The following GREB1 variants were observed in gnomAD, a reference collection of about 807,000 sequenced individuals.
The protein encoded by GREB1 is protein GREB1.
In GREB1, 106 loss-of-function variants were observed where a neutral mutation model predicts 200.7. The observed-to-expected ratio is 0.53, with a 90% CI of 0.45 to 0.62. GREB1 has a LOEUF of 0.62. Ranked by LOEUF, GREB1 falls within the 20% of genes least tolerant of loss-of-function variation. GREB1 has a pLI of 0.00. For synonymous variants in GREB1, 1,132 were observed against 1,092.4 expected (o/e 1.04, Z -0.72); for missense variants, 2,243 against 2,556.8 (o/e 0.88, Z 2.65).
At chr2:11,540,940 CT>C (rs1311270453) in intron 1 of GREB1, among the ~76,000 whole-genome samples, 2 of 152,206 alleles carry the variant, frequency 1.3e-5, no homozygotes, top group Non-Finnish European at 2.9e-5. Flanking sequence ...TTTTTCAAGT[CT>C]TGTTTTCTCA....
intron 17 of GREB1, among the ~76,000 whole-genome samples, chr2:11,606,606 A>G (rs1682315231): frequency 6.6e-6 from 1 of 152,004 alleles, no homozygotes; most frequent in African/African-American, 2.4e-5. Context: ...TAGTGTTACT[A>G]TAGATTATAA....
intron 23 of GREB1, among the ~76,000 whole-genome samples, chr2:11,624,755 A>T (rs1684297239): frequency 6.6e-6 from 1 of 152,238 alleles, no homozygotes. Context: ...GGCCCAGGAC[A>T]GCTTTGAATG....
chr2:11,592,143 T>G lies in GREB1; in HGVS notation c.1346-633T>G, dbSNP rs951909937. 17 of 972,972 alleles carry G rather than the reference T, an allele frequency of 1.7e-5. No homozygotes were observed. In the African/African-American group the frequency reaches 2.8e-4, roughly 16 times the overall value. The allele number at this position is 972,972 out of a possible 1,614,324, so 60.3% of individuals were successfully genotyped here. A position where few individuals can be genotyped will look rare whatever the true frequency, so the allele number is the denominator to read the frequency against. On this transcript the variant is annotated intron_variant, in intron 10 of 32. Transcript: ENST00000381486. ...ACTTTCTGAATTCTGTTTAAAGACC[T>G]TCTCTAACAAGCTATGGGAATTTGG...
chr2:11,563,341 T>A (rs1677282628), intron 3 of GREB1, among the ~76,000 whole-genome samples: 2 of 152,212 alleles, frequency 1.3e-5, no homozygotes, highest in Non-Finnish European at 1.5e-5. Context: ...TCAGGGACCC[T>A]GTACAGTCAG....
chr2:11,564,764 AT>A (rs1186281340), intron 3 of GREB1, among the ~76,000 whole-genome samples: 2 of 152,162 alleles, frequency 1.3e-5, no homozygotes, highest in African/African-American at 4.8e-5. Flanking sequence ...GTATTAGTCC[AT>A]TTTCACACTG....
chr2:11,562,392 G>A (rs1403975387), intron 2 of GREB1, 71 bp from the exon 3 acceptor site: 5 of 1,585,432 alleles, frequency 3.2e-6, no homozygotes, highest in Non-Finnish European at 4.3e-6. Context: ...GCAGGCAGAG[G>A]AAAGGCCCTG....
rs1677183263 is a variant in GREB1, at chr2:11,562,598, C to T, written c.277+16C>T. The T allele has an allele frequency of 6.4e-7, 1 of 1,562,554 alleles. No individual in the cohort carries two copies. Among genetic ancestry groups the T allele is most frequent in the African/African-American group, 1.4e-5 (1 of 71,326 alleles). On this transcript the variant is annotated intron_variant, in intron 3 of 32. Transcript: ENST00000381486. ...ACCACAGACGGTGAGCCTCTGCCAG[C>T]TCCTGGCCAGGCAGTGCCTGCCATG...
chr2:11,639,135 G>C (rs1044558361), intron 32 of GREB1, among the ~76,000 whole-genome samples: 1 of 152,150 alleles, frequency 6.6e-6, no homozygotes, highest in Non-Finnish European at 1.5e-5. Context: ...TGTCACCTTG[G>C]CTGGAGTGCA....
At position 11,597,407 on chromosome 2, in the gene GREB1, CTG is replaced by C. The variant is rs1164788444; in HGVS notation, c.1955-372_1955-371del. Reference sequence around the variant, plus strand: ...TTATTCATACAGAGTTCCTAAATGACTGTCGTGTTAGTTTTCTTTTCTGGAGA... The same window carrying C: ...TTATTCATACAGAGTTCCTAAATGACTCGTGTTAGTTTTCTTTTCTGGAGA... On this transcript the variant is annotated intron_variant, in intron 13 of 32. Coordinates refer to ENST00000381486, the MANE Select transcript of GREB1 (RefSeq NM_014668.4). This position sits in a 1 kb window ranked among gnomAD's most constrained non-coding sequence, Gnocchi z 4.1. Among the ~76,000 whole-genome samples the C allele has an allele frequency of 2.6e-5, 4 of 152,066 alleles. No homozygotes were observed. Among genetic ancestry groups the C allele is most frequent in the Non-Finnish European group, 2.9e-5 (2 of 68,018 alleles).
chr2:11,589,266 G>C (rs1680489699), intron 10 of GREB1, among the ~76,000 whole-genome samples: 1 of 152,196 alleles, frequency 6.6e-6, no homozygotes, highest in Admixed American at 6.5e-5. Flanking sequence ...AAAACAGGCA[G>C]GTAAAGATGG....
chr2:11,597,833 GA>G lies in GREB1; in HGVS notation c.2009del (p.Lys670SerfsTer36). 6.2e-7 allele frequency: 1 copy of G among 1,614,236 alleles called. No homozygotes were observed. Among genetic ancestry groups the G allele is most frequent in the Non-Finnish European group, 8.5e-7 (1 of 1,180,036 alleles). On this transcript the variant is annotated frameshift_variant, in exon 14 of 33. Transcript: ENST00000381486. LOFTEE classifies it high-confidence loss of function. The surrounding 1 kb of genome is among the most constrained non-coding windows in gnomAD (Gnocchi z 4.1). ...GGCCCTTCCAGCTGGCAGTAGCGCA[GA>G]AGCTCCTCTCCCATGTGTGTTCCAT... is the stretch of plus-strand genomic sequence containing the variant. Reference protein sequence around the residue: ...IRPFQLAVAQKLLSHVCSIAD... With the variant: ...IRPFQLAVAQXLLSHVCSIAD...
chr2:11,556,757 T>C lies in GREB1; in HGVS notation c.143T>C (p.Leu48Pro). 6.2e-7 allele frequency: 1 copy of C among 1,614,026 alleles called. No individual in the cohort carries two copies. Among genetic ancestry groups the C allele is most frequent in the African/African-American group, 1.3e-5 (1 of 75,066 alleles). Residue 48 changes from leucine to proline, a missense_variant, in exon 2 of 33, where the codon CTT (leucine) becomes CCT (proline). By Grantham distance (98) the Leu-to-Pro change is moderately conservative. Transcript: ENST00000381486. ...SQLYLEAEQQLAALEGGSRVD... is the reference protein window; with the variant it reads ...SQLYLEAEQQPAALEGGSRVD... ...CTGTACCTGGAAGCTGAGCAGCAGC[T>C]TGCCGCTCTAGAAGGTGGGAGACGC...
Position 11,610,805 on chromosome 2 carries a change from G to A in GREB1, c.2784G>A (p.Thr928=), listed in dbSNP as rs202190064. 168 of 1,613,360 alleles carry A rather than the reference G, an allele frequency of 1.0e-4. No homozygotes were observed. The highest frequency in any genetic ancestry group is 1.4e-4 in the Non-Finnish European group (160 of 1,179,972). The stretch of plus-strand genomic sequence containing the variant: ...TGAAGAACTACACGTCGGTGGAGAC[G>A]CTGGAGATCACGCAGAACCTCCTCA... ...PQMKNYTSVE[T]LEITQNLLNS... The change falls in exon 18 of 33, where the codon ACG becomes ACA. Residue 928 remains threonine, a synonymous_variant. Coordinates refer to ENST00000381486, the MANE Select transcript of GREB1 (RefSeq NM_014668.4).
chr2:11,500,613 A>G (rs1278714342), intron 1 of GREB1, among the ~76,000 whole-genome samples: 3 of 152,226 alleles, frequency 2.0e-5, no homozygotes, highest in Non-Finnish European at 4.4e-5. Flanking sequence ...TTAGTAAAGT[A>G]TTCTTATTGC....
chr2:11,627,870 C>T (rs577684740), intron 25 of GREB1, among the ~76,000 whole-genome samples: 13 of 152,034 alleles, frequency 8.6e-5, no homozygotes, highest in East Asian at 3.9e-4. Flanking sequence ...GGGTCGGGAG[C>T]GGAAGAGAGA....
At chr2:11,571,855 C>T (rs761957335) in intron 4 of GREB1, among the ~76,000 whole-genome samples, 19 of 152,120 alleles carry the variant, frequency 1.2e-4, no homozygotes, top group Non-Finnish European at 1.8e-4. Context: ...GGACTACAGG[C>T]GCCCACCACC....
Position 11,588,450 on chromosome 2 carries a change from G to GTCCC in GREB1, c.1160-296_1160-295insTCCC, listed in dbSNP as rs1016479212. 1.8e-5 allele frequency: 8 copies of GTCCC among 453,940 alleles called. No homozygotes were observed. In the Admixed American group the frequency reaches 2.8e-4, roughly 16 times the overall value. The allele number at this position is 453,940 out of a possible 1,614,324, so 28.1% of individuals were successfully genotyped here. On this transcript the variant is annotated intron_variant, in intron 9 of 32. Transcript: ENST00000381486. The stretch of plus-strand genomic sequence containing the variant: ...AGGAGTGACAGGTGGCGGCTGCTTG[G>GTCCC]CTCTGGGCAAGTCCCTCCCTCCAGC...
chr2:11,616,082 C>G (rs530965955), intron 20 of GREB1, among the ~76,000 whole-genome samples: 1 of 152,258 alleles, frequency 6.6e-6, no homozygotes, highest in Non-Finnish European at 1.5e-5. Flanking sequence ...TGCTGCACGT[C>G]TCCGTGCTCC....
intron 4 of GREB1, among the ~76,000 whole-genome samples, chr2:11,573,217 A>G (rs559745198): frequency 1.1e-4 from 17 of 152,340 alleles, no homozygotes; most frequent in African/African-American, 4.1e-4. Context: ...CTCAGTGGCC[A>G]GCACACATAG....
Sources: allele counts gnomAD v4.1 joint callset (sites outside exome capture counted in the v4.1 genomes callset), GRCh38; gene constraint gnomAD v4.1.1; non-coding constraint Gnocchi (gnomAD v3.1); transcripts MANE v1.5; gene names NCBI Gene and HGNC (gene_info 2026-07-23, HGNC 2026-07-21).